Variants in ATP2A2 observed in about 807,000 individuals in gnomAD.
ATP2A2 encodes the protein sarcoplasmic/endoplasmic reticulum calcium ATPase 2.
A neutral mutation model predicts 109.3 loss-of-function variants in ATP2A2; 14 were observed. That is an observed-to-expected ratio of 0.13 (90% CI 0.08 to 0.20). The LOEUF (loss-of-function observed/expected upper bound fraction) is 0.20, where lower values mean the gene tolerates loss of function less well. Ranked by LOEUF, ATP2A2 falls within the 10% of genes least tolerant of loss-of-function variation. The pLI is 1.00. For synonymous variants in ATP2A2, 506 were observed against 490.9 expected (o/e 1.03, Z -0.41); for missense variants, 657 against 1,321.6 (o/e 0.50, Z 7.80).
intron 5 of ATP2A2, among the ~76,000 whole-genome samples, chr12:110,309,621 G>A (rs1875784664): frequency 6.6e-6 from 1 of 152,102 alleles, no homozygotes; most frequent in African/African-American, 2.4e-5. Flanking sequence ...CCCGCACATA[G>A]GCTGTGCTCA....
At chr12:110,301,728 G>A (rs1874666609) in intron 5 of ATP2A2, among the ~76,000 whole-genome samples, 2 of 152,180 alleles carry the variant, frequency 1.3e-5, no homozygotes, top group Non-Finnish European at 2.9e-5. Context: ...CTTCCCCATT[G>A]CACTTAAAAT....
intron 5 of ATP2A2, among the ~76,000 whole-genome samples, chr12:110,313,413 C>T (rs566283201): frequency 2.7e-5 from 4 of 145,854 alleles, no homozygotes; most frequent in Admixed American, 7.1e-5. Context: ...CCTGGGTTCA[C>T]GCCATTCTCC....
chr12:110,293,509 C>A (rs1592798677), intron 4 of ATP2A2, among the ~76,000 whole-genome samples: 1 of 150,724 alleles, frequency 6.6e-6, no homozygotes, highest in East Asian at 2.0e-4. Flanking sequence ...ATTCTCCTGT[C>A]TCACCCTCCC....
At chr12:110,341,066 G>A (rs142387989) in intron 14 of ATP2A2, 72 bp downstream of exon 14, 1 of 1,529,554 alleles carries the variant, frequency 6.5e-7, no homozygotes, top group Non-Finnish European at 9.0e-7. Flanking sequence ...TTTGACCACT[G>A]AATTTTTTTG....
intron 3 of ATP2A2, among the ~76,000 whole-genome samples, chr12:110,287,022 G>A (rs1872729115): frequency 6.6e-6 from 1 of 152,274 alleles, no homozygotes; most frequent in Non-Finnish European, 1.5e-5. Flanking sequence ...AGAGGCCGAG[G>A]TGGGTGGATC....
intron 3 of ATP2A2, among the ~76,000 whole-genome samples, chr12:110,283,558 T>A (rs1872367236): frequency 6.6e-6 from 1 of 152,358 alleles, no homozygotes; most frequent in Non-Finnish European, 1.5e-5. Context: ...AACTTTTTTT[T>A]AAATGTTCGG....
In ATP2A2 at chr12:110,348,633, G is replaced by A. The variant is rs11613610; in HGVS notation, c.*2163G>A. 3 of 985,294 alleles carry A rather than the reference G, an allele frequency of 3.0e-6. No homozygotes were observed. Among genetic ancestry groups the A allele is most frequent in the African/African-American group, 1.7e-5 (1 of 57,212 alleles). 61.0% of individuals were successfully genotyped at this position (985,294 alleles called of 1,614,324 possible). A position where few individuals can be genotyped will look rare whatever the true frequency, so the allele number is the denominator to read the frequency against. ...TGTAAGTAAGTCTCAGCCCTTTGGA[G>A]GCCACAGCAGAAGGATTGCTTGAGC... On this transcript the variant is annotated 3_prime_UTR_variant, in exon 20 of 20. Transcript: ENST00000539276.
chr12:110,287,579 ACTTTT>A (rs1022164810), intron 3 of ATP2A2, among the ~76,000 whole-genome samples: 2 of 152,110 alleles, frequency 1.3e-5, no homozygotes, highest in Non-Finnish European at 2.9e-5. Flanking sequence ...CTTCTCTTTT[ACTTTT>A]CTTTGCTGCT....
intron 5 of ATP2A2, among the ~76,000 whole-genome samples, chr12:110,310,121 A>G (rs1875855131): frequency 6.6e-6 from 1 of 151,980 alleles, no homozygotes; most frequent in South Asian, 2.1e-4. Flanking sequence ...ATAATAGCCT[A>G]AGTCATTTCT....
chr12:110,333,441 C>T (rs952990527), intron 10 of ATP2A2, among the ~76,000 whole-genome samples, 158 bp downstream of exon 10: 10 of 152,166 alleles, frequency 6.6e-5, no homozygotes, highest in African/African-American at 2.4e-4. Flanking sequence ...GCCAGCATGA[C>T]CTCACCAAAG....
At chr12:110,311,886 T>A (rs772129000) in intron 5 of ATP2A2, among the ~76,000 whole-genome samples, 1 of 151,290 alleles carries the variant, frequency 6.6e-6, no homozygotes, top group African/African-American at 2.4e-5. Flanking sequence ...AAAAAAGTTT[T>A]AAAAACTTGC....
At chr12:110,302,518 T>A (rs1235813152) in intron 5 of ATP2A2, among the ~76,000 whole-genome samples, 1 of 152,046 alleles carries the variant, frequency 6.6e-6, no homozygotes, top group African/African-American at 2.4e-5. Context: ...AGTATGGTAA[T>A]TGCTAAAAAG....
chr12:110,306,524 C>G (rs1315800050), intron 5 of ATP2A2, among the ~76,000 whole-genome samples: 2 of 152,094 alleles, frequency 1.3e-5, no homozygotes, highest in Non-Finnish European at 2.9e-5. Flanking sequence ...TTCCCTCCCA[C>G]TTTTTGGAGT....
Position 110,339,162 on chromosome 12 carries a change from C to T in ATP2A2, c.1420-119C>T. 7.1e-7 allele frequency: 1 copy of T among 1,405,860 alleles called. No individual in the cohort carries two copies. The allele number at this position is 1,405,860 out of a possible 1,614,324, so 87.1% of individuals were successfully genotyped here. The stretch of plus-strand genomic sequence containing the variant: ...AAGTTTCATGAGGGCAAAAACCTGT[C>T]TGTTTTGTTTATTGCTATATTCCTA... On this transcript the variant is annotated intron_variant, in intron 11 of 19. Transcript: ENST00000539276. The surrounding 1 kb of genome is among the most constrained non-coding windows in gnomAD (Gnocchi z 4.4).
At chr12:110,302,451 A>G (rs1039375141) in intron 5 of ATP2A2, among the ~76,000 whole-genome samples, 7 of 152,164 alleles carry the variant, frequency 4.6e-5, no homozygotes, top group African/African-American at 7.2e-5. Context: ...AATCCTTCAT[A>G]GATAGTGCTG....
rs967775809 is a variant in ATP2A2, at chr12:110,348,285, T to C, written c.*1815T>C. The C allele has an allele frequency of 1.0e-6, 1 of 971,920 alleles. No homozygotes were observed. The allele number at this position is 971,920 out of a possible 1,614,324, so 60.2% of individuals were successfully genotyped here. A position where few individuals can be genotyped will look rare whatever the true frequency, so the allele number is the denominator to read the frequency against. On this transcript the variant is annotated 3_prime_UTR_variant, in exon 20 of 20. Coordinates refer to ENST00000539276, the MANE Select transcript of ATP2A2 (RefSeq NM_170665.4). ...CTCCCCCACCCCCCCTTGCTTGGTC[T>C]TGTCCTTGGTGGCTAAGACTTAGCT...
intron 5 of ATP2A2, among the ~76,000 whole-genome samples, chr12:110,311,857 T>C (rs550768784): frequency 6.7e-6 from 1 of 149,732 alleles, no homozygotes; most frequent in South Asian, 2.1e-4. Flanking sequence ...GGGCAACATA[T>C]TGAGACCTTG....
intron 17 of ATP2A2, 36 bp from the exon 18 acceptor site, chr12:110,345,208 ATATAC>A: frequency 6.2e-7 from 1 of 1,613,980 alleles, no homozygotes; most frequent in Non-Finnish European, 8.5e-7. Context: ...GACTTGGGAA[ATATAC>A]TGGGCTGATA....
At chr12:110,296,455 T>G (rs112176116) in intron 4 of ATP2A2, 144 bp from the exon 5 acceptor site, 4 of 1,054,850 alleles carry the variant, frequency 3.8e-6, no homozygotes, top group Non-Finnish European at 5.8e-6. Flanking sequence ...GTCTGTTGCC[T>G]TAGATGTGAA....
Sources: gnomAD v4.1 joint callset for allele counts (sites outside exome capture counted in the v4.1 genomes callset) on GRCh38, gnomAD v4.1.1 for gene constraint, Gnocchi (gnomAD v3.1) non-coding constraint, MANE v1.5 for transcripts, NCBI Gene and HGNC (gene_info 2026-07-23, HGNC 2026-07-21) for gene names.